The following PRSS23 variants were observed in gnomAD, a reference collection of about 807,000 sequenced individuals.
The protein encoded by PRSS23 is serine protease 23, also known as protease, serine 23.
PRSS23 carries 25 observed loss-of-function variants against 34.7 expected under a neutral mutation model. The ratio of observed to expected loss-of-function variants is 0.72; its 90% CI spans 0.53 to 1.01. The LOEUF is 1.01. Ranked by LOEUF, PRSS23 falls within the 50% of genes least tolerant of loss-of-function variation. The pLI, the probability that PRSS23 is intolerant of heterozygous loss-of-function variation, is 0.00. For synonymous variants in PRSS23, 176 were observed against 186.6 expected, an observed-to-expected ratio of 0.94 and a Z score of 0.46; for missense variants, 445 against 475.6, an observed-to-expected ratio of 0.94 and a Z score of 0.60.
intron 2 of PRSS23, among the ~76,000 whole-genome samples, chr11:86,830,528 A>C (rs939327112): frequency 6.6e-6 from 1 of 152,078 alleles, no homozygotes; most frequent in African/African-American, 2.4e-5. Flanking sequence ...GGCACTCCCT[A>C]GTGAGGTGAA....
upstream of PRSS23, among the ~76,000 whole-genome samples, chr11:86,798,155 CT>C (rs140551844): frequency 0.015 from 2,255 of 152,272 alleles, 61 homozygotes; most frequent in African/African-American, 0.051. Flanking sequence ...AGATACTTAC[CT>C]TTTAATGGTG....
intron 2 of PRSS23, chr11:86,836,706 A>G (rs1283271388): frequency 2.6e-5 from 4 of 152,226 alleles, no homozygotes; most frequent in African/African-American, 9.7e-5. Context: ...AAGACTGAGA[A>G]GGCCGTGCCA....
At chr11:86,832,137 G>T (rs1281900813) in intron 2 of PRSS23, among the ~76,000 whole-genome samples, 1 of 152,010 alleles carries the variant, frequency 6.6e-6, no homozygotes, top group African/African-American at 2.4e-5. Flanking sequence ...TAATATTACT[G>T]GTGGTGTTCA....
At chr11:86,849,659 C>T (rs1179082768) in intron 2 of PRSS23, among the ~76,000 whole-genome samples, 1 of 152,174 alleles carries the variant, frequency 6.6e-6, no homozygotes, top group African/African-American at 2.4e-5. Flanking sequence ...TCTAGAATTA[C>T]AAAAACCAAA....
chr11:86,853,238 CTGCCTTT>C (rs1948543519), intron 2 of PRSS23, among the ~76,000 whole-genome samples: 1 of 127,182 alleles, frequency 7.9e-6, no homozygotes, highest in African/African-American at 3.2e-5. Context: ...TCACAAGTGC[CTGCCTTT>C]TTTTTTTTTT....
intron 2 of PRSS23, among the ~76,000 whole-genome samples, chr11:86,897,456 A>G (rs1402889120): frequency 6.6e-6 from 1 of 152,164 alleles, no homozygotes; most frequent in Non-Finnish European, 1.5e-5. Flanking sequence ...AACTCAGTTT[A>G]TAGTAACTCT....
At position 86,811,113 on chromosome 11, in the gene PRSS23, C is replaced by T. The variant is rs1193036529; in HGVS notation, c.*2318C>T. On this transcript the variant is annotated 3_prime_UTR_variant, in exon 2 of 2. Coordinates refer to ENST00000280258, the MANE Select transcript of PRSS23 (RefSeq NM_007173.6). ...CAGAGGAAGATGCCTCTCCATTTTCCCTCTCTTTATCAGAGGTTCACATGC... is the reference window on the plus strand; with the variant it reads ...CAGAGGAAGATGCCTCTCCATTTTCTCTCTCTTTATCAGAGGTTCACATGC... The T allele has an allele frequency of 6.0e-6, 1 of 167,036 alleles. No individual in the cohort carries two copies. Among genetic ancestry groups the T allele is most frequent in the East Asian group, 1.9e-4 (1 of 5,196 alleles). The allele number at this position is 167,036 out of a possible 1,614,324, so 10.3% of individuals were successfully genotyped here. A position where few individuals can be genotyped will look rare whatever the true frequency, so the allele number is the denominator to read the frequency against.
intron 2 of PRSS23, among the ~76,000 whole-genome samples, chr11:86,891,810 T>G (rs1395960535): frequency 6.6e-6 from 1 of 152,164 alleles, no homozygotes; most frequent in Non-Finnish European, 1.5e-5. Flanking sequence ...TCACGAGATC[T>G]GATGGTTTTC....
At chr11:86,854,857 AAAC>A (rs1316999825) in intron 2 of PRSS23, among the ~76,000 whole-genome samples, 1 of 152,214 alleles carries the variant, frequency 6.6e-6, no homozygotes, top group Non-Finnish European at 1.5e-5. Context: ...AAAAACAAAC[AAAC>A]AACAACAGAT....
Position 86,800,595 on chromosome 11 carries a change from C to T in PRSS23, c.-70C>T, listed in dbSNP as rs1020198338. 1.7e-5 allele frequency: 17 copies of T among 984,990 alleles called. No homozygotes were observed. The highest frequency in any genetic ancestry group is 1.8e-5 in the Non-Finnish European group (15 of 829,862). 61.0% of individuals were successfully genotyped at this position (984,990 alleles called of 1,614,324 possible). On this transcript the variant is annotated 5_prime_UTR_variant, in exon 1 of 2. Coordinates refer to ENST00000280258, the MANE Select transcript of PRSS23 (RefSeq NM_007173.6). ...GGGAGCCGCGCGCTCTCTCCCGGCG[C>T]CCACACCTGTCTGAGCGGCGCAGCG...
Position 86,852,131 on chromosome 11 carries a change from C to T in PRSS23, c.206+28538C>T, listed in dbSNP as rs545297065. 7.2e-5 allele frequency among the ~76,000 whole-genome samples: 11 copies of T among 152,288 alleles called. No individual in the cohort carries two copies. In the East Asian group the frequency reaches 1.2e-3, roughly 16 times the overall value. ...CCTCCCCTCTGCTGGGCCATGACCA[C>T]GGAGAACAGGTCCACTGTCCTCCCT... On this transcript the variant is annotated intron_variant, in intron 2 of 2. Coordinates refer to the PRSS23 transcript ENST00000533902.
At chr11:86,907,713 A>G (rs1404846169) in intron 2 of PRSS23, among the ~76,000 whole-genome samples, 2 of 152,056 alleles carry the variant, frequency 1.3e-5, no homozygotes, top group African/African-American at 2.4e-5. Context: ...GCCTGCCTTA[A>G]CCTCCCAAAA....
chr11:86,882,078 G>C (rs1948775773), intron 2 of PRSS23, among the ~76,000 whole-genome samples: 1 of 151,940 alleles, frequency 6.6e-6, no homozygotes, highest in Non-Finnish European at 1.5e-5. Flanking sequence ...TTTCTCTGTT[G>C]TTTTACTATT....
intron 2 of PRSS23, chr11:86,941,008 C>T (rs184102319): frequency 6.6e-6 from 1 of 152,270 alleles, no homozygotes; most frequent in African/African-American, 2.4e-5. Context: ...TGACTAAATA[C>T]CTCCGATGGC....
intron 2 of PRSS23, among the ~76,000 whole-genome samples, chr11:86,824,274 C>T (rs1042149656): frequency 1.3e-4 from 19 of 148,696 alleles, no homozygotes; most frequent in Non-Finnish European, 2.2e-4. Flanking sequence ...CAACACTGCA[C>T]TTACTCCATT....
intron 2 of PRSS23, among the ~76,000 whole-genome samples, chr11:86,878,656 C>T (rs888863948): frequency 3.3e-5 from 5 of 151,944 alleles, no homozygotes; most frequent in African/African-American, 4.8e-5. Flanking sequence ...CCCAAAGTGC[C>T]GAGATTGCAG....
At chr11:86,816,154 G>A (rs73520759), downstream of PRSS23, among the ~76,000 whole-genome samples, 1,254 of 152,262 alleles carry the variant, frequency 8.2e-3, 20 homozygotes, top group African/African-American at 0.029. Flanking sequence ...TCAACCTTCT[G>A]TCATTGCTCA....
downstream of PRSS23, among the ~76,000 whole-genome samples, chr11:86,814,567 C>T (rs569049987): frequency 8.7e-4 from 132 of 152,184 alleles, no homozygotes; most frequent in Non-Finnish European, 1.3e-3. Flanking sequence ...GTGGGAAAGA[C>T]GGGGTGGAAG....
intron 2 of PRSS23, among the ~76,000 whole-genome samples, chr11:86,831,097 G>A (rs558159234): frequency 6.6e-6 from 1 of 152,122 alleles, no homozygotes; most frequent in Non-Finnish European, 1.5e-5. Context: ...ATCCTAGGCG[G>A]ATGTTATTCC....
Sources: allele counts gnomAD v4.1 joint callset (sites outside exome capture counted in the v4.1 genomes callset), GRCh38; gene constraint gnomAD v4.1.1; transcripts MANE v1.5; gene names NCBI Gene and HGNC (gene_info 2026-07-23, HGNC 2026-07-21).